The following SSH1 variants were observed in gnomAD, a reference collection of about 807,000 sequenced individuals.
The protein encoded by SSH1 is protein phosphatase Slingshot homolog 1.
In SSH1, 43 loss-of-function variants were observed where a neutral mutation model predicts 79.7. That is an observed-to-expected ratio of 0.54 (90% CI 0.42 to 0.70). The LOEUF is 0.70. Ranked by LOEUF, SSH1 falls within the 30% of genes least tolerant of loss-of-function variation. The pLI is 0.00. For synonymous variants in SSH1, 599 were observed against 538.3 expected, an observed-to-expected ratio of 1.11 and a Z score of -1.56; for missense variants, 1,206 against 1,358.8, an observed-to-expected ratio of 0.89 and a Z score of 1.77.
intron 2 of SSH1, among the ~76,000 whole-genome samples, chr12:108,851,239 T>C (rs1038546493): frequency 5.3e-5 from 8 of 152,276 alleles, no homozygotes; most frequent in African/African-American, 1.9e-4. Context: ...ACATAATCTT[T>C]AGAAATCATG....
chr12:108,827,660 C>T (rs2038359286), intron 2 of SSH1: 2 of 895,368 alleles, frequency 2.2e-6, no homozygotes, highest in South Asian at 1.1e-4. Context: ...GAGAAACAAG[C>T]ACCGGGGTGT....
intron 7 of SSH1, among the ~76,000 whole-genome samples, chr12:108,809,192 G>A (rs2037446534): frequency 7.2e-6 from 1 of 139,726 alleles, no homozygotes; most frequent in African/African-American, 2.7e-5. Context: ...CTCACGCCTG[G>A]AATCCCAGCA....
chr12:108,843,696 G>A (rs540488158), intron 2 of SSH1, among the ~76,000 whole-genome samples: 237 of 152,054 alleles, frequency 1.6e-3, no homozygotes, highest in Non-Finnish European at 2.6e-3. Context: ...CACCATACTC[G>A]GCTAATTTTT....
chr12:108,808,810 C>T (rs964211825), intron 7 of SSH1, among the ~76,000 whole-genome samples: 6 of 149,706 alleles, frequency 4.0e-5, no homozygotes, highest in African/African-American at 9.8e-5. Context: ...TTTAGTCACC[C>T]TCTTTTACTT....
chr12:108,818,737 A>G (rs1029246443), intron 3 of SSH1, among the ~76,000 whole-genome samples: 1 of 152,210 alleles, frequency 6.6e-6, no homozygotes, highest in Non-Finnish European at 1.5e-5. Flanking sequence ...AAAAGGACAG[A>G]GCATCACGTT....
intron 2 of SSH1, among the ~76,000 whole-genome samples, chr12:108,832,584 G>C (rs1329851785): frequency 6.6e-6 from 1 of 152,218 alleles, no homozygotes; most frequent in Non-Finnish European, 1.5e-5. Flanking sequence ...AGTTGATAAA[G>C]ATGTAAAGGA....
chr12:108,821,228 C>CAT (rs2038106038), intron 3 of SSH1, among the ~76,000 whole-genome samples: 1 of 151,776 alleles, frequency 6.6e-6, no homozygotes, highest in Non-Finnish European at 1.5e-5. Context: ...CACACACACA[C>CAT]ACACACACAC....
rs916509239 is a variant in SSH1 at position 108,792,285 on chromosome 12, C to T, written c.1893+1G>A. ...CACCCTGCAGGCCGGGCTCTGCCTA[C>T]CTCCATGCCGTTGGGACAGCTCCTC... On this transcript the variant is annotated splice_donor_variant, in intron 14 of 14. Coordinates refer to ENST00000326495, the MANE Select transcript of SSH1 (RefSeq NM_018984.4). LOFTEE classifies it high-confidence loss of function. 4.3e-6 allele frequency: 7 copies of T among 1,614,030 alleles called. No individual in the cohort carries two copies. In the Admixed American group the frequency reaches 5.0e-5, roughly 12 times the overall value.
rs766443257 is a variant in SSH1 at position 108,809,705 on chromosome 12, A to G, written c.524T>C (p.Val175Ala). ...GRMHIFKPVS[V>A]QAMWSALQVL... ...AAACCACACTTACCACATGGCCTGG[A>G]CAGACACAGGCTTAAATATGTGCAT... Residue 175 changes from valine (V) to alanine (A), a missense_variant, in exon 7 of 15, where the codon GTC becomes GCC. By Grantham distance (64) the Val-to-Ala change is moderately conservative. Transcript: ENST00000326495. 1 of 1,613,962 alleles carries G rather than the reference A, an allele frequency of 6.2e-7. No individual in the cohort carries two copies. The highest frequency in any genetic ancestry group is 8.5e-7 in the Non-Finnish European group (1 of 1,179,848).
chr12:108,828,472 G>A (rs774076390), intron 2 of SSH1, among the ~76,000 whole-genome samples: 4 of 152,194 alleles, frequency 2.6e-5, no homozygotes, highest in Non-Finnish European at 4.4e-5. Flanking sequence ...ATCCGCTCAT[G>A]CCTGCCCAGG....
chr12:108,789,800 G>A (rs1378490361), intron 14 of SSH1, among the ~76,000 whole-genome samples: 2 of 152,160 alleles, frequency 1.3e-5, no homozygotes, highest in Non-Finnish European at 2.9e-5. Context: ...CACCCCGCCT[G>A]CACAGGACTG....
Position 108,792,509 on chromosome 12 carries a change from G to C in SSH1, c.1670C>G (p.Pro557Arg), listed in dbSNP as rs1158029174. ...PAEVHRPARQ[P>R]QQGSGLCEKD... ...CTCACAGAGTCCGGAACCTTGCTGG[G>C]GCTGTCTGGCCGGCCTGTGCACCTC... Residue 557 changes from proline (P) to arginine (R), a missense_variant, in exon 14 of 15, where the codon CCC (proline) becomes CGC (arginine). This residue lies in a region of SSH1 where 709 missense variants were observed against 730.6 expected (regional missense o/e 0.97). Coordinates refer to ENST00000326495, the MANE Select transcript of SSH1 (RefSeq NM_018984.4). 1.1e-5 allele frequency: 18 copies of C among 1,614,038 alleles called. No homozygotes were observed. In the Middle Eastern group the frequency reaches 4.9e-4, roughly 44 times the overall value.
rs548388393 is a variant in SSH1, at chr12:108,792,153, G to A, written c.1893+133C>T. On this transcript the variant is annotated intron_variant, in intron 14 of 14. Transcript: ENST00000326495. Reference sequence around the variant, plus strand: ...TGGAGATGGGAGCTGGGGGCCCAGAGGAGACAATAGAAAAAAATCAGCTGG... The same window carrying A: ...TGGAGATGGGAGCTGGGGGCCCAGAAGAGACAATAGAAAAAAATCAGCTGG... The A allele has an allele frequency of 3.1e-5, 47 of 1,526,888 alleles. No homozygotes were observed. In the South Asian group the frequency reaches 5.7e-4, roughly 18 times the overall value. The allele number at this position is 1,526,888 out of a possible 1,614,324, so 94.6% of individuals were successfully genotyped here. A position where few individuals can be genotyped will look rare whatever the true frequency, so the allele number is the denominator to read the frequency against.
rs745845062 is a variant in SSH1, at chr12:108,789,079, T to C, written c.2059A>G (p.Thr687Ala). ...GCCAAGTGGGCCACAGGGGAGGACG[T>C]GATGTGGGGTAGGAAGGCTGGCTGG... ...CTQPAFLPHI[T>A]SSPVAHLASR... Residue 687 changes from threonine (T) to alanine (A), a missense_variant, in exon 15 of 15, where the codon ACG becomes GCG. Transcript: ENST00000326495. The C allele has an allele frequency of 6.2e-7, 1 of 1,612,812 alleles. No homozygotes were observed. Among genetic ancestry groups the C allele is most frequent in the Non-Finnish European group, 8.5e-7 (1 of 1,179,202 alleles).
intron 2 of SSH1, among the ~76,000 whole-genome samples, chr12:108,824,067 G>A (rs1159006660): frequency 6.6e-6 from 1 of 152,194 alleles, no homozygotes; most frequent in Non-Finnish European, 1.5e-5. Flanking sequence ...TAACTCTCTG[G>A]CTTTTAACAA....
intron 13 of SSH1, among the ~76,000 whole-genome samples, chr12:108,797,573 C>T (rs1467348170): frequency 6.6e-6 from 1 of 152,102 alleles, no homozygotes; most frequent in African/African-American, 2.4e-5. Flanking sequence ...CTATAAAGAC[C>T]CCAGACTCAG....
At chr12:108,804,543 G>A (rs760262670) in intron 10 of SSH1, among the ~76,000 whole-genome samples, 9 of 152,226 alleles carry the variant, frequency 5.9e-5, no homozygotes, top group South Asian at 2.1e-4. Flanking sequence ...GGCTTCCAGC[G>A]GCCCTGGAGC....
chr12:108,830,052 A>T (rs2038435429), intron 2 of SSH1, among the ~76,000 whole-genome samples: 1 of 152,166 alleles, frequency 6.6e-6, no homozygotes, highest in South Asian at 2.1e-4. Flanking sequence ...GGCTACAGTG[A>T]GCTGTGACCA....
intron 1 of SSH1, among the ~76,000 whole-genome samples, chr12:108,856,691 T>G (rs1244924250): frequency 6.6e-6 from 1 of 152,192 alleles, no homozygotes; most frequent in Admixed American, 6.5e-5. Flanking sequence ...CTCACACGTT[T>G]GTAGGGGCAC....
Sources: gnomAD v4.1 joint callset for allele counts (sites outside exome capture counted in the v4.1 genomes callset) on GRCh38, gnomAD v4.1.1 for gene constraint, gnomAD v4.1.1 regional missense constraint, MANE v1.5 for transcripts, NCBI Gene and HGNC (gene_info 2026-07-23, HGNC 2026-07-21) for gene names.